SDCCAG8: variants seen among roughly 807,000 people sequenced by gnomAD.
SDCCAG8 encodes the protein SHH signaling and ciliogenesis regulator SDCCAG8.
A neutral mutation model predicts 101.8 loss-of-function variants in SDCCAG8; 74 were observed. The ratio of observed to expected loss-of-function variants is 0.73; its 90% CI spans 0.60 to 0.88. SDCCAG8 has a LOEUF of 0.88. SDCCAG8 is among the 40% of genes least tolerant of loss of function. The pLI, the probability that SDCCAG8 is intolerant of heterozygous loss-of-function variation, is 0.00. For synonymous variants in SDCCAG8, 281 were observed against 292.9 expected, an observed-to-expected ratio of 0.96 and a Z score of 0.41; for missense variants, 787 against 822.6, an observed-to-expected ratio of 0.96 and a Z score of 0.53.
chr1:243,304,197 G>A lies in SDCCAG8; in HGVS notation c.676-516G>A, dbSNP rs750438142. 6.6e-4 allele frequency among the ~76,000 whole-genome samples: 101 copies of A among 152,130 alleles called. 1 individual carries two copies. The highest frequency in any genetic ancestry group is 1.1e-3 in the Non-Finnish European group (76 of 68,008). On this transcript the variant is annotated intron_variant, in intron 6 of 17. Transcript: ENST00000366541. Reference sequence around the variant, plus strand: ...TTTCTATTCCTTTCTGGGATATTTCGTAAGTTCCTTGCAGTTCAAGCCACC... The same window carrying A: ...TTTCTATTCCTTTCTGGGATATTTCATAAGTTCCTTGCAGTTCAAGCCACC...
intron 4 of SDCCAG8, among the ~76,000 whole-genome samples, chr1:243,280,220 T>C (rs1166936508): frequency 6.6e-6 from 1 of 152,146 alleles, no homozygotes; most frequent in African/African-American, 2.4e-5. Context: ...GTTATCCTGT[T>C]TTTTAAACAT....
chr1:243,473,601 C>G (rs1388665680), intron 16 of SDCCAG8, among the ~76,000 whole-genome samples: 2 of 152,172 alleles, frequency 1.3e-5, no homozygotes, highest in East Asian at 3.8e-4. Flanking sequence ...AAAAATCTCA[C>G]TGTCTCCGAG....
chr1:243,481,901 C>T (rs12751210), intron 16 of SDCCAG8, among the ~76,000 whole-genome samples: 16 of 152,132 alleles, frequency 1.1e-4, no homozygotes, highest in South Asian at 4.1e-4. Context: ...AAAACATACA[C>T]GCATAAGGAT....
intron 7 of SDCCAG8, 168 bp from the exon 8 acceptor site, chr1:243,307,816 TCACCA>T (rs2072307896): frequency 6.8e-7 from 1 of 1,461,170 alleles, no homozygotes; most frequent in Non-Finnish European, 9.0e-7. Flanking sequence ...TCAATTAGAA[TCACCA>T]CACCAAAGTT....
intron 1 of SDCCAG8, among the ~76,000 whole-genome samples, chr1:243,267,063 T>TA (rs2067670400): frequency 6.6e-6 from 1 of 150,576 alleles, no homozygotes; most frequent in African/African-American, 2.4e-5. Flanking sequence ...GCTAACACGG[T>TA]GAAACCCTGT....
chr1:243,486,552 G>A (rs1278283770), intron 16 of SDCCAG8, among the ~76,000 whole-genome samples: 1 of 152,244 alleles, frequency 6.6e-6, no homozygotes, highest in East Asian at 1.9e-4. Flanking sequence ...CAGGTTCTGA[G>A]GGCTCCATAG....
intron 16 of SDCCAG8, among the ~76,000 whole-genome samples, chr1:243,483,524 G>A (rs1311816008): frequency 6.6e-6 from 1 of 152,096 alleles, no homozygotes; most frequent in East Asian, 1.9e-4. Context: ...CTCTCCTCCA[G>A]TGCCTCCTCC....
chr1:243,484,408 C>G lies in SDCCAG8; in HGVS notation c.1986-4606C>G, dbSNP rs547324497. 3.9e-5 allele frequency among the ~76,000 whole-genome samples: 6 copies of G among 152,370 alleles called. 1 individual carries two copies. Among genetic ancestry groups the G allele is most frequent in the African/African-American group, 1.4e-4 (6 of 41,586 alleles). ...GCTTGCCCGCTGAGTGACTTTGAAT[C>G]AATGATTCATGTTGTCTGTGCCTCA... On this transcript the variant is annotated intron_variant, in intron 16 of 17. Transcript: ENST00000366541.
intron 10 of SDCCAG8, among the ~76,000 whole-genome samples, chr1:243,340,437 A>T (rs1208583397): frequency 6.6e-6 from 1 of 152,206 alleles, no homozygotes; most frequent in Non-Finnish European, 1.5e-5. Flanking sequence ...ACTGGAGTCA[A>T]GGAAGACTTC....
In SDCCAG8 at chr1:243,460,614, A is replaced by G. The variant is rs1429849233; in HGVS notation, c.1986-28400A>G. Among the ~76,000 whole-genome samples the G allele has an allele frequency of 2.0e-5, 3 of 152,258 alleles. No individual in the cohort carries two copies. In the East Asian group the frequency reaches 5.8e-4, roughly 29 times the overall value. ...TTTTCCATTTTCACAAGCTATAGGT[A>G]GAGCAGCCCTAGCTGACTGGAACAA... On this transcript the variant is annotated intron_variant, in intron 16 of 17. Transcript: ENST00000366541.
rs899092175 is a variant in SDCCAG8, at chr1:243,308,286, A to C, written c.929+109A>C. The stretch of plus-strand genomic sequence containing the variant: ...TGCTAAGTCACATGTGATTATTGTT[A>C]ATCTTCAAATACAGTGGATTTTAAA... On this transcript the variant is annotated intron_variant, in intron 8 of 17. Transcript: ENST00000366541. 9.2e-6 allele frequency: 11 copies of C among 1,195,808 alleles called. No homozygotes were observed. The African/African-American group carries it at 1.5e-4, about 16-fold the overall frequency. The allele number at this position is 1,195,808 out of a possible 1,614,324, so 74.1% of individuals were successfully genotyped here.
At chr1:243,286,769 T>A (rs1055778166) in intron 5 of SDCCAG8, among the ~76,000 whole-genome samples, 1 of 152,206 alleles carries the variant, frequency 6.6e-6, no homozygotes, top group Admixed American at 6.5e-5. Context: ...TGAAATCTAA[T>A]AAGTCTAATT....
intron 9 of SDCCAG8, among the ~76,000 whole-genome samples, chr1:243,327,091 G>C (rs1399406268): frequency 6.6e-6 from 1 of 151,918 alleles, no homozygotes; most frequent in African/African-American, 2.4e-5. Flanking sequence ...AACTTCTCAA[G>C]ACCTACAGCC....
chr1:243,264,563 G>A (rs1247731538), intron 1 of SDCCAG8, among the ~76,000 whole-genome samples: 2 of 152,098 alleles, frequency 1.3e-5, no homozygotes, highest in East Asian at 1.9e-4. Context: ...GCAGTGAGCC[G>A]AGATTGCACC....
chr1:243,420,256 T>TA (rs1315016044), intron 15 of SDCCAG8, among the ~76,000 whole-genome samples: 1 of 152,196 alleles, frequency 6.6e-6, no homozygotes, highest in Admixed American at 6.5e-5. Context: ...AAAACATTTC[T>TA]AAAGCCACAC....
chr1:243,391,850 C>G (rs185194653), intron 13 of SDCCAG8, among the ~76,000 whole-genome samples: 18 of 152,268 alleles, frequency 1.2e-4, no homozygotes, highest in African/African-American at 4.1e-4. Context: ...GGTAGGCGGT[C>G]AAGGTGAAGC....
At chr1:243,484,521 A>G (rs150463304) in intron 16 of SDCCAG8, among the ~76,000 whole-genome samples, 1 of 152,348 alleles carries the variant, frequency 6.6e-6, no homozygotes, top group Non-Finnish European at 1.5e-5. Context: ...AGTGCCCGAC[A>G]TAAAAGTGCT....
At chr1:243,327,271 T>A (rs917824291) in intron 9 of SDCCAG8, among the ~76,000 whole-genome samples, 5 of 149,142 alleles carry the variant, frequency 3.4e-5, no homozygotes, top group African/African-American at 9.9e-5. Flanking sequence ...AAAATTATAA[T>A]TTATAATTTT....
intron 12 of SDCCAG8, among the ~76,000 whole-genome samples, chr1:243,368,251 G>A (rs568119952): frequency 1.3e-5 from 2 of 151,436 alleles, no homozygotes; most frequent in African/African-American, 4.8e-5. Flanking sequence ...GAAAAGAAGG[G>A]CCAAACTGTT....
Sources: allele counts gnomAD v4.1 joint callset (sites outside exome capture counted in the v4.1 genomes callset), GRCh38; gene constraint gnomAD v4.1.1; transcripts MANE v1.5; gene names NCBI Gene and HGNC (gene_info 2026-07-23, HGNC 2026-07-21).